Variants in PAPLN observed in about 807,000 individuals in gnomAD.
PAPLN encodes the protein papilin.
PAPLN carries 146 observed loss-of-function variants against 159.0 expected under a neutral mutation model. The observed-to-expected ratio is 0.92, with a 90% CI of 0.80 to 1.05. PAPLN has a LOEUF of 1.05. PAPLN is among the 50% of genes least tolerant of loss of function. The pLI is 0.00. For missense variants in PAPLN, 1,720 were observed against 1,743.9 expected, an observed-to-expected ratio of 0.99 and a Z score of 0.24; for synonymous variants, 734 against 702.9, an observed-to-expected ratio of 1.04 and a Z score of -0.70.
intron 17 of PAPLN, 44 bp from the exon 18 acceptor site, chr14:73,261,112 G>A: frequency 6.2e-7 from 1 of 1,613,876 alleles, no homozygotes; most frequent in Non-Finnish European, 8.5e-7. Context: ...CCCAACAATG[G>A]CCAGATCCAC....
chr14:73,272,088 C>A (rs1887786561), intron 26 of PAPLN: 1 of 156,660 alleles, frequency 6.4e-6, no homozygotes, highest in Non-Finnish European at 1.4e-5. Context: ...CTCTTGCTAA[C>A]TCAAAATTTT....
At position 73,260,801 on chromosome 14, in the gene PAPLN, T is replaced by C. The variant is rs177389; in HGVS notation, c.2078T>C (p.Met693Thr). 53,893 of 1,488,644 alleles carry C rather than the reference T, an allele frequency of 0.036. 1,587 individuals are homozygous for C. Among genetic ancestry groups the C allele is most frequent in the African/African-American group, 0.15 (10,215 of 70,240 alleles). The allele number at this position is 1,488,644 out of a possible 1,614,324, so 92.2% of individuals were successfully genotyped here. A position where few individuals can be genotyped will look rare whatever the true frequency, so the allele number is the denominator to read the frequency against. Residue 693 changes from methionine (M) to threonine (T), a missense_variant, in exon 17 of 27, where the codon ATG (methionine) becomes ACG (threonine). Coordinates refer to ENST00000644200, the MANE Select transcript of PAPLN (RefSeq NM_001365906.3). ...KSYGGDSTGG[M>T]PRSRAVASTV... ...TATGGTGGTGACAGCACCGGGGGCA[T>C]GCCCAGGTCAAGGGCAGTGGCTTCT...
rs747038266 is a variant in PAPLN, at chr14:73,268,554, C to T, written c.3501-3C>T. On this transcript the variant is annotated splice_region_variant and splice_polypyrimidine_tract_variant and intron_variant, in intron 25 of 26. Transcript: ENST00000644200. ...GGCTCTCCCAGTGTCCTCTCTCCTC[C>T]AGGAACGGGCTACCTGTGCAGGCTG... 9.9e-6 allele frequency: 16 copies of T among 1,609,844 alleles called. No individual in the cohort carries two copies. In the South Asian group the frequency reaches 1.4e-4, roughly 14 times the overall value.
chr14:73,255,145 C>T (rs1312067491), intron 14 of PAPLN, 127 bp downstream of exon 14: 1 of 1,303,140 alleles, frequency 7.7e-7, no homozygotes, highest in South Asian at 1.5e-5. Context: ...CCCACTTCTC[C>T]CATGTCTCCC....
chr14:73,251,258 C>G (rs1284011269), intron 7 of PAPLN, among the ~76,000 whole-genome samples: 1 of 152,192 alleles, frequency 6.6e-6, no homozygotes, highest in Non-Finnish European at 1.5e-5. Context: ...CCCTCCCCAT[C>G]CCTTCCCACT....
In PAPLN at chr14:73,251,713, C is replaced by T. The variant is rs779002813; in HGVS notation, c.720C>T (p.Ile240=). 11 of 1,613,140 alleles carry T rather than the reference C, an allele frequency of 6.8e-6. No homozygotes were observed. Among genetic ancestry groups the T allele is most frequent in the East Asian group, 2.2e-5 (1 of 44,898 alleles). ...ACTACCTCAATGGGCACTGGACCAT[C>T]GAGGCGGCCCGGGCCCTGCCAGCAG... ...GEYYLNGHWT[I]EAARALPAAS... Residue 240 remains isoleucine (I), a synonymous_variant, in exon 9 of 27, where the codon ATC becomes ATT. Coordinates refer to ENST00000644200, the MANE Select transcript of PAPLN (RefSeq NM_001365906.3).
intron 25 of PAPLN, among the ~76,000 whole-genome samples, chr14:73,267,349 CCT>C (rs1478479439): frequency 6.6e-6 from 1 of 152,094 alleles, no homozygotes; most frequent in Non-Finnish European, 1.5e-5. Flanking sequence ...TTTTTTGCCT[CCT>C]CCTTCCCTGT....
intron 17 of PAPLN, 147 bp downstream of exon 17, chr14:73,260,976 C>G: frequency 2.1e-6 from 3 of 1,404,314 alleles, no homozygotes; most frequent in South Asian, 1.5e-5. Flanking sequence ...TGGAGGGCAC[C>G]GGGCTTCAAA....
Position 73,252,136 on chromosome 14 carries a change from G to A in PAPLN, c.962G>A (p.Gly321Asp). 6.2e-7 allele frequency: 1 copy of A among 1,601,204 alleles called. No individual in the cohort carries two copies. The highest frequency in any genetic ancestry group is 8.5e-7 in the Non-Finnish European group (1 of 1,173,908). ...GSWSDCSAEC[G>D]GGHQSRLVFC... The stretch of plus-strand genomic sequence containing the variant: ...TGGAGTGACTGCAGCGCGGAGTGTG[G>A]CGGAGGTGCGGGCGTGGATGGCCCA... The change falls in exon 10 of 27, where the codon GGC becomes GAC. Residue 321 changes from glycine (G) to aspartate (D), a missense_variant. Gly to Asp is a moderately conservative substitution (Grantham distance 94). Coordinates refer to ENST00000644200, the MANE Select transcript of PAPLN (RefSeq NM_001365906.3).
intron 25 of PAPLN, 37 bp downstream of exon 25, chr14:73,266,868 C>T (rs751862129): frequency 1.7e-5 from 26 of 1,554,370 alleles, no homozygotes; most frequent in Non-Finnish European, 2.0e-5. Flanking sequence ...TGTCCCCAGA[C>T]CTTCACAACC....
chr14:73,251,882 C>T (rs1214988031), intron 9 of PAPLN, 46 bp downstream of exon 9: 8 of 1,554,290 alleles, frequency 5.1e-6, no homozygotes, highest in South Asian at 1.2e-5. Flanking sequence ...AGCTCGTGGT[C>T]CCCAAGAGGC....
Position 73,272,601 on chromosome 14 carries a change from C to T in PAPLN, c.3774C>T (p.Tyr1258=). ...CCCAGCTTTGTGGCAATGAGTATTA[C>T]TCCAGCTTCTGCTGTGCCAGCTGTT... is the stretch of plus-strand genomic sequence containing the variant. ...LQAQLCGNEY[Y]SSFCCASCSR... The change falls in exon 27 of 27, where the codon TAC becomes TAT. Residue 1258 remains tyrosine (Y), a synonymous_variant. Coordinates refer to ENST00000644200, the MANE Select transcript of PAPLN (RefSeq NM_001365906.3). The T allele has an allele frequency of 6.2e-7, 1 of 1,600,538 alleles. No individual in the cohort carries two copies. Among genetic ancestry groups the T allele is most frequent in the Non-Finnish European group, 8.6e-7 (1 of 1,168,730 alleles).
chr14:73,254,760 G>A, intron 13 of PAPLN, 65 bp downstream of exon 13: 1 of 1,593,156 alleles, frequency 6.3e-7, no homozygotes, highest in Non-Finnish European at 8.6e-7. Context: ...CTGCACCCGA[G>A]CGCCGTCCTT....
chr14:73,247,926 GTGTGTGTGTT>G (rs1295557931), intron 5 of PAPLN, among the ~76,000 whole-genome samples: 10 of 86,434 alleles, frequency 1.2e-4, no homozygotes, highest in Non-Finnish European at 1.7e-4. Flanking sequence ...GTGTGTGTGT[GTGTGTGTGTT>G]GTGGGGACCG....
rs71112722 is a variant in PAPLN, at chr14:73,248,075, CTG to C, written c.335-1878_335-1877del. ...TGGCCCAGTGGGAGTCTCATATCCT[CTG>C]TGTGTGTGTGTGTGTGTGTGTGTGT... is the stretch of plus-strand genomic sequence containing the variant. On this transcript the variant is annotated intron_variant, in intron 5 of 26. Transcript: ENST00000644200. Among the ~76,000 whole-genome samples the C allele has an allele frequency of 6.2e-3, 284 of 45,576 alleles. 6 individuals carry two copies. The highest frequency in any genetic ancestry group is 7.3e-3 in the Non-Finnish European group (207 of 28,496). The allele number at this position is 45,576 out of a possible 152,430, so 29.9% of individuals were successfully genotyped here.
chr14:73,268,802 C>T, intron 26 of PAPLN, 79 bp downstream of exon 26: 2 of 1,437,242 alleles, frequency 1.4e-6, no homozygotes, highest in African/African-American at 1.4e-5. Flanking sequence ...GCTCTGCAGT[C>T]TGAGGGACTC....
chr14:73,254,847 ATCTC>A lies in PAPLN; in HGVS notation c.1486-21_1486-18del, dbSNP rs745903346. On this transcript the variant is annotated intron_variant, in intron 13 of 26. Transcript: ENST00000644200. ...CCCCGCCCCCAGCCTCGCCCTCAGC[ATCTC>A]TCTCTCTCCCACTCGTGGGCCTCAG... 6.8e-6 allele frequency: 11 copies of A among 1,607,142 alleles called. 1 individual carries two copies. The highest frequency in any genetic ancestry group is 1.1e-5 in the South Asian group (1 of 90,890).
At chr14:73,269,809 C>T (rs1020664348) in intron 26 of PAPLN, among the ~76,000 whole-genome samples, 2 of 152,156 alleles carry the variant, frequency 1.3e-5, no homozygotes, top group African/African-American at 4.8e-5. Context: ...TCTGGGCATT[C>T]CTGACAATCA....
intron 10 of PAPLN, 122 bp from the exon 11 acceptor site, chr14:73,252,527 G>A: frequency 7.6e-7 from 1 of 1,309,564 alleles, no homozygotes; most frequent in Non-Finnish European, 1.0e-6. Flanking sequence ...CTGCCTCGGG[G>A]GGGTCATCTA....
Sources: allele counts gnomAD v4.1 joint callset (sites outside exome capture counted in the v4.1 genomes callset), GRCh38; gene constraint gnomAD v4.1.1; transcripts MANE v1.5; gene names NCBI Gene and HGNC (gene_info 2026-07-23, HGNC 2026-07-21).